Variants in VPS26A observed in about 807,000 individuals in gnomAD.
The protein encoded by VPS26A is vacuolar protein sorting-associated protein 26A.
A neutral mutation model predicts 42.4 loss-of-function variants in VPS26A; 22 were observed. The observed-to-expected ratio is 0.52, with a 90% CI of 0.37 to 0.74. VPS26A has a LOEUF of 0.74. Ranked by LOEUF, VPS26A falls within the 30% of genes least tolerant of loss-of-function variation. VPS26A has a pLI of 0.00. For missense variants in VPS26A, 276 were observed against 379.2 expected, an observed-to-expected ratio of 0.73 and a Z score of 2.26; for synonymous variants, 110 against 123.5, an observed-to-expected ratio of 0.89 and a Z score of 0.73.
At chr10:69,150,228 A>G (rs1364219592) in intron 2 of VPS26A, among the ~76,000 whole-genome samples, 1 of 147,732 alleles carries the variant, frequency 6.8e-6, no homozygotes, top group Non-Finnish European at 1.5e-5. Flanking sequence ...TAATTTTTGT[A>G]TTTTTTTGTA....
chr10:69,167,445 A>G (rs562218948), intron 7 of VPS26A, among the ~76,000 whole-genome samples: 5 of 133,004 alleles, frequency 3.8e-5, no homozygotes, highest in South Asian at 4.4e-4. Context: ...AAAGAAAAAG[A>G]AAAAAAAAAG....
intron 2 of VPS26A, among the ~76,000 whole-genome samples, chr10:69,134,338 ATC>A (rs1235579463): frequency 6.6e-6 from 1 of 152,098 alleles, no homozygotes; most frequent in Non-Finnish European, 1.5e-5. Flanking sequence ...CTTTCTTCAT[ATC>A]TTTGGTAATA....
intron 6 of VPS26A, 46 bp downstream of exon 6, chr10:69,162,558 A>G: frequency 8.1e-7 from 1 of 1,238,770 alleles, no homozygotes. Context: ...GTTTTAGTTG[A>G]CATTTTTAAA....
chr10:69,137,833 AG>A (rs895616570), intron 2 of VPS26A, among the ~76,000 whole-genome samples: 4 of 151,474 alleles, frequency 2.6e-5, no homozygotes, highest in African/African-American at 9.8e-5. Flanking sequence ...TGGGGGCCCT[AG>A]GATTTTTCTT....
chr10:69,164,237 A>ATTTT (rs1841633145), intron 6 of VPS26A, among the ~76,000 whole-genome samples: 1 of 120,982 alleles, frequency 8.3e-6, no homozygotes. Flanking sequence ...TTTTTTTTTG[A>ATTTT]GACAGGGTCT....
intron 2 of VPS26A, among the ~76,000 whole-genome samples, chr10:69,151,280 A>C (rs1157708514): frequency 4.4e-5 from 6 of 135,314 alleles, no homozygotes; most frequent in African/African-American, 2.2e-4. Context: ...AAAAAAAAAA[A>C]AAACACACAC....
At chr10:69,165,895 A>G in intron 6 of VPS26A, 147 bp from the exon 7 acceptor site, 1 of 725,750 alleles carries the variant, frequency 1.4e-6, no homozygotes, top group Non-Finnish European at 2.3e-6. Flanking sequence ...GCGGCAAGCC[A>G]TGATTGGACC....
intron 1 of VPS26A, among the ~76,000 whole-genome samples, chr10:69,125,259 A>G (rs1022256912): frequency 1.3e-5 from 2 of 151,904 alleles, no homozygotes; most frequent in Admixed American, 1.3e-4. Flanking sequence ...TTTTAATTTC[A>G]GTAATGATGT....
chr10:69,132,347 T>C (rs1840800056), intron 1 of VPS26A, among the ~76,000 whole-genome samples: 1 of 152,218 alleles, frequency 6.6e-6, no homozygotes, highest in African/African-American at 2.4e-5. Flanking sequence ...TAGGGTTTTT[T>C]TTTTGGTCTT....
intron 2 of VPS26A, among the ~76,000 whole-genome samples, chr10:69,149,822 C>T (rs563135573): frequency 7.1e-6 from 1 of 141,426 alleles, no homozygotes; most frequent in Non-Finnish European, 1.5e-5. Flanking sequence ...TCTCAGCTCA[C>T]TGCAGCCTCT....
At chr10:69,168,902 A>G (rs578100112) in intron 8 of VPS26A, among the ~76,000 whole-genome samples, 81 of 152,320 alleles carry the variant, frequency 5.3e-4, no homozygotes, top group African/African-American at 1.8e-3. Flanking sequence ...AATAAAAACA[A>G]TACCTGCTGC....
rs1162179375 is a variant in VPS26A, at chr10:69,151,284, C to CAAACAAAAAAAAAA, written c.154-4527_154-4526insAACAAAAAAAAAAA. Among the ~76,000 whole-genome samples, 72 of 111,860 alleles carry CAAACAAAAAAAAAA rather than the reference C, an allele frequency of 6.4e-4. 1 individual carries two copies. In the South Asian group the frequency reaches 7.7e-3, roughly 12 times the overall value. The allele number at this position is 111,860 out of a possible 152,430, so 73.4% of individuals were successfully genotyped here. A position where few individuals can be genotyped will look rare whatever the true frequency, so the allele number is the denominator to read the frequency against. Reference sequence around the variant, plus strand: ...CATGTCAAAAAAAAAAAAAAAAAAACACACACACACACACAATTAGCCGGG... The same window carrying CAAACAAAAAAAAAA: ...CATGTCAAAAAAAAAAAAAAAAAAACAAACAAAAAAAAAAACACACACACACACAATTAGCCGGG... On this transcript the variant is annotated intron_variant, in intron 2 of 8. Transcript: ENST00000263559.
intron 2 of VPS26A, among the ~76,000 whole-genome samples, chr10:69,149,517 T>A (rs1453313133): frequency 4.0e-5 from 6 of 151,652 alleles, no homozygotes; most frequent in East Asian, 3.9e-4. Flanking sequence ...ACATTTAAAA[T>A]TTTTTTTTAA....
intron 2 of VPS26A, among the ~76,000 whole-genome samples, chr10:69,150,803 C>T (rs1841287025): frequency 6.6e-6 from 1 of 151,792 alleles, no homozygotes; most frequent in African/African-American, 2.4e-5. Context: ...ATATGCATGC[C>T]CATATATATG....
Position 69,171,670 on chromosome 10 carries a change from C to T in VPS26A, c.*401C>T, listed in dbSNP as rs1841819617. 1 of 154,070 alleles carries T rather than the reference C, an allele frequency of 6.5e-6. No individual in the cohort carries two copies. The allele number at this position is 154,070 out of a possible 1,614,324, so 9.5% of individuals were successfully genotyped here. A position where few individuals can be genotyped will look rare whatever the true frequency, so the allele number is the denominator to read the frequency against. ...CAGGCTAATGATTACCTCTTATTCTCTACATGCAAAAAATTAAATATTTTG... is the reference window on the plus strand; with the variant it reads ...CAGGCTAATGATTACCTCTTATTCTTTACATGCAAAAAATTAAATATTTTG... On this transcript the variant is annotated 3_prime_UTR_variant, in exon 9 of 9. Coordinates refer to ENST00000263559, the MANE Select transcript of VPS26A (RefSeq NM_004896.5).
intron 2 of VPS26A, among the ~76,000 whole-genome samples, chr10:69,138,865 T>C (rs1300280072): frequency 2.0e-5 from 3 of 152,212 alleles, no homozygotes; most frequent in Non-Finnish European, 4.4e-5. Flanking sequence ...CCACATTATA[T>C]ACATAATAGT....
intron 2 of VPS26A, among the ~76,000 whole-genome samples, chr10:69,135,838 T>C (rs1840895897): frequency 1.3e-5 from 2 of 152,128 alleles, no homozygotes; most frequent in African/African-American, 2.4e-5. Context: ...TATTTTCTTA[T>C]TATCACCATC....
At position 69,173,125 on chromosome 10, in the gene VPS26A, A is replaced by G. The variant is rs1841852611; in HGVS notation, c.*1856A>G. ...CCAATTTGAAAAAAATTCAAATTTA[A>G]TATTTGGTGATTTCAGTCAAAAGTC... On this transcript the variant is annotated 3_prime_UTR_variant, in exon 9 of 9. Transcript: ENST00000263559. Among the ~76,000 whole-genome samples, 2 of 152,224 alleles carry G rather than the reference A, an allele frequency of 1.3e-5. No homozygotes were observed. Among genetic ancestry groups the G allele is most frequent in the Admixed American group, 1.3e-4 (2 of 15,274 alleles).
At chr10:69,142,751 A>G in intron 2 of VPS26A, among the ~76,000 whole-genome samples, 1 of 150,080 alleles carries the variant, frequency 6.7e-6, no homozygotes, top group South Asian at 2.1e-4. Context: ...AAAAAAAAAA[A>G]AGATTTAAAT....
Sources: allele counts gnomAD v4.1 joint callset (sites outside exome capture counted in the v4.1 genomes callset), GRCh38; gene constraint gnomAD v4.1.1; transcripts MANE v1.5; gene names NCBI Gene and HGNC (gene_info 2026-07-23, HGNC 2026-07-21).